KHDC4: variants seen among roughly 807,000 people sequenced by gnomAD.
KHDC4 encodes KH homology domain-containing protein 4.
In KHDC4, 19 loss-of-function variants were observed where a neutral mutation model predicts 74.5. That is an observed-to-expected ratio of 0.26 (90% confidence interval 0.18 to 0.37). KHDC4 has a LOEUF of 0.37. KHDC4 is among the 10% of genes least tolerant of loss of function. The pLI is 1.00. For synonymous variants in KHDC4, 253 were observed against 266.1 expected (o/e 0.95, Z 0.48); for missense variants, 632 against 754.1 (o/e 0.84, Z 1.90).
Position 155,917,596 on chromosome 1 carries a change from T to TGGGGCG in KHDC4, c.1342_1343insCGCCCC (p.Pro447_Gln448insProPro). The TGGGGCG allele has an allele frequency of 3.3e-6, 1 of 301,592 alleles. No individual in the cohort carries two copies. The highest frequency in any genetic ancestry group is 5.3e-6 in the Non-Finnish European group (1 of 187,018). 18.7% of individuals were successfully genotyped at this position (301,592 alleles called of 1,614,324 possible). A position where few individuals can be genotyped will look rare whatever the true frequency, so the allele number is the denominator to read the frequency against. Reference sequence around the variant, plus strand: ...CTGACTTGGGAGTGGGGGCTGGGGCTGGGGCTGGGGCTGGGGGCCAGCAGG... The same window carrying TGGGGCG: ...CTGACTTGGGAGTGGGGGCTGGGGCTGGGGCGGGGGCTGGGGCTGGGGGCCAGCAGG... On this transcript the variant is annotated inframe_insertion, in exon 11 of 14. Coordinates refer to ENST00000368321, the MANE Select transcript of KHDC4 (RefSeq NM_014949.4).
chr1:155,934,066 A>C (rs1674200010), intron 1 of KHDC4, among the ~76,000 whole-genome samples: 1 of 151,550 alleles, frequency 6.6e-6, no homozygotes, highest in African/African-American at 2.4e-5. Context: ...TTCTACTGTC[A>C]CCTATATCGA....
intron 6 of KHDC4, 141 bp from the exon 7 acceptor site, chr1:155,925,984 G>A: frequency 2.5e-6 from 2 of 801,928 alleles, no homozygotes; most frequent in South Asian, 1.3e-5. Context: ...AGTCAGCCCT[G>A]TGATACTCTT....
At chr1:155,929,184 C>A in intron 4 of KHDC4, 112 bp downstream of exon 4, 1 of 770,538 alleles carries the variant, frequency 1.3e-6, no homozygotes, top group South Asian at 1.6e-5. Context: ...ACACATACCC[C>A]TCAAACCTTG....
At chr1:155,914,669 C>T (rs1557965098) in intron 13 of KHDC4, 3 of 212,790 alleles carry the variant, frequency 1.4e-5, no homozygotes, top group Non-Finnish European at 2.8e-5. Flanking sequence ...AAGAAAAAAA[C>T]GTATTTTCTT....
At chr1:155,931,436 T>C (rs1227494524) in intron 2 of KHDC4, among the ~76,000 whole-genome samples, 1 of 151,740 alleles carries the variant, frequency 6.6e-6, no homozygotes, top group Non-Finnish European at 1.5e-5. Context: ...CTTCAAAAAA[T>C]AAAAAAAATT....
At chr1:155,918,993 G>C (rs1407460515) in intron 10 of KHDC4, among the ~76,000 whole-genome samples, 1 of 27,866 alleles carries the variant, frequency 3.6e-5, no homozygotes, top group Non-Finnish European at 9.1e-5. Flanking sequence ...TTTTTTTTTT[G>C]AGTTTTGCTT....
At chr1:155,926,987 T>C in intron 5 of KHDC4, 117 bp downstream of exon 5, 1 of 1,312,638 alleles carries the variant, frequency 7.6e-7, no homozygotes, top group South Asian at 1.2e-5. Flanking sequence ...CAAATTCGTG[T>C]ATAGTTCATG....
chr1:155,931,934 C>T (rs1674149721), intron 2 of KHDC4, among the ~76,000 whole-genome samples: 1 of 152,104 alleles, frequency 6.6e-6, no homozygotes, highest in South Asian at 2.1e-4. Flanking sequence ...TCCAAGAGAA[C>T]TTTTGGTGAC....
At chr1:155,934,205 C>T in intron 1 of KHDC4, 131 bp downstream of exon 1, 1 of 1,019,800 alleles carries the variant, frequency 9.8e-7, no homozygotes, top group Non-Finnish European at 1.4e-6. Flanking sequence ...GCTCAAGATC[C>T]TTCTCCCCAA....
intron 3 of KHDC4, 92 bp from the exon 4 acceptor site, chr1:155,929,467 TAAAGAAGGA>T: frequency 8.5e-7 from 1 of 1,177,626 alleles, no homozygotes; most frequent in Non-Finnish European, 1.3e-6. Flanking sequence ...TTCAACCAAG[TAAAGAAGGA>T]AAGAATTCTC....
At chr1:155,933,083 A>T (rs962899810) in intron 2 of KHDC4, among the ~76,000 whole-genome samples, 1 of 152,190 alleles carries the variant, frequency 6.6e-6, no homozygotes, top group African/African-American at 2.4e-5. Context: ...TGACTATGGA[A>T]ATACAGCTTA....
rs781765779 is a variant in KHDC4, at chr1:155,914,079, TAAG to T, written c.*39_*41del. 2.1e-5 allele frequency: 31 copies of T among 1,511,226 alleles called. No homozygotes were observed. In the Admixed American group the frequency reaches 2.7e-4, roughly 13 times the overall value. The allele number at this position is 1,511,226 out of a possible 1,614,324, so 93.6% of individuals were successfully genotyped here. A position where few individuals can be genotyped will look rare whatever the true frequency, so the allele number is the denominator to read the frequency against. On this transcript the variant is annotated 3_prime_UTR_variant, in exon 14 of 14. Coordinates refer to ENST00000368321, the MANE Select transcript of KHDC4 (RefSeq NM_014949.4). ...TTAAATCAAATGCATGCATTATTGC[TAAG>T]AAGAGTCACTGAGGGTCAAAACTCT... is the stretch of plus-strand genomic sequence containing the variant.
intron 8 of KHDC4, among the ~76,000 whole-genome samples, chr1:155,923,152 C>G (rs1159556753): frequency 1.3e-5 from 2 of 150,978 alleles, no homozygotes; most frequent in South Asian, 2.1e-4. Flanking sequence ...TTGCAGTGAG[C>G]CGAGATCCCG....
chr1:155,926,936 T>A, intron 5 of KHDC4, 97 bp from the exon 6 acceptor site: 1 of 1,427,428 alleles, frequency 7.0e-7, no homozygotes, highest in Non-Finnish European at 9.9e-7. Flanking sequence ...GCTTTATACG[T>A]TACCCAAATA....
rs1674191309 is a variant in KHDC4 at position 155,933,653 on chromosome 1, T to G, written c.235A>C (p.Thr79Pro). 6.2e-7 allele frequency: 1 copy of G among 1,608,126 alleles called. No homozygotes were observed. Among genetic ancestry groups the G allele is most frequent in the East Asian group, 2.2e-5 (1 of 44,688 alleles). Residue 79 changes from threonine to proline, a missense_variant, in exon 2 of 14, where the codon ACT becomes CCT. Coordinates refer to ENST00000368321, the MANE Select transcript of KHDC4 (RefSeq NM_014949.4). ...AATACCTTCTCAGAAGCATTCTGAG[T>G]TGGTTTCAGCTTCCCTTTTGCCATG... ...MLMAKGKLKP[T>P]QNASEKLQAP...
At chr1:155,927,847 CACACACACACACACACACACACACACAA>C (rs1392827997) in intron 4 of KHDC4, among the ~76,000 whole-genome samples, 27 of 22,650 alleles carry the variant, frequency 1.2e-3, no homozygotes, top group Admixed American at 2.7e-3. Flanking sequence ...CACACACACA[CACACACACACACACACACACACACACAA>C]AATTAATGGG....
Position 155,917,562 on chromosome 1 carries a change from T to C in KHDC4, c.1377A>G (p.Ala459=). The part of the protein sequence containing the change: ...PQPPLPSQPQ[A]QKRRFTEELP... ...GCTCCTCTGTGAATCGTCTCTTCTG[T>C]GCCTGGGGCTGACTTGGGAGTGGGG... The change falls in exon 11 of 14, where the codon GCA becomes GCG. Residue 459 remains alanine (A), a synonymous_variant. Transcript: ENST00000368321. 5.5e-6 allele frequency: 7 copies of C among 1,281,926 alleles called. No individual in the cohort carries two copies. The highest frequency in any genetic ancestry group is 1.7e-5 in the African/African-American group (1 of 60,518). The allele number at this position is 1,281,926 out of a possible 1,614,324, so 79.4% of individuals were successfully genotyped here.
At chr1:155,926,577 A>G in intron 6 of KHDC4, 99 bp downstream of exon 6, 1 of 1,397,266 alleles carries the variant, frequency 7.2e-7, no homozygotes, top group Non-Finnish European at 1.0e-6. Context: ...TTGGCCTCCC[A>G]AAGTGCTGGG....
chr1:155,928,905 T>C (rs941068234), intron 4 of KHDC4, among the ~76,000 whole-genome samples: 5 of 141,290 alleles, frequency 3.5e-5, no homozygotes, highest in Non-Finnish European at 6.0e-5. Flanking sequence ...TGAGCCGAGA[T>C]CACGCCACTG....
Sources: gnomAD v4.1 joint callset for allele counts (sites outside exome capture counted in the v4.1 genomes callset) on GRCh38, gnomAD v4.1.1 for gene constraint, MANE v1.5 for transcripts, NCBI Gene and HGNC (gene_info 2026-07-23, HGNC 2026-07-21) for gene names.